The following IKBKB-DT variants were observed in gnomAD, a reference collection of about 807,000 sequenced individuals.
IKBKB-DT encodes IKBKB divergent transcript.
intron 1 of IKBKB-DT, among the ~76,000 whole-genome samples, chr8:42,268,554 A>T (rs527723581): frequency 1.2e-4 from 18 of 151,636 alleles, no homozygotes; most frequent in Middle Eastern, 3.4e-3. Flanking sequence ...TACAGGGGTG[A>T]GCCACCACAC....
intron 3 of IKBKB-DT, among the ~76,000 whole-genome samples, chr8:42,246,105 C>A (rs935227364): frequency 1.3e-5 from 2 of 152,212 alleles, no homozygotes; most frequent in Non-Finnish European, 2.9e-5. Flanking sequence ...GGCACAGTCA[C>A]AGCTCACTGC....
chr8:42,252,603 G>A (rs1001812872), intron 3 of IKBKB-DT, among the ~76,000 whole-genome samples: 10 of 152,228 alleles, frequency 6.6e-5, no homozygotes, highest in Admixed American at 6.5e-4. Context: ...CTGAGCTCAA[G>A]CAATCCTCCT....
chr8:42,243,197 G>A (rs1025854865), intron 3 of IKBKB-DT, among the ~76,000 whole-genome samples: 3 of 152,188 alleles, frequency 2.0e-5, no homozygotes, highest in South Asian at 2.1e-4. Flanking sequence ...AACTCTCCAG[G>A]TGGGGAGAGA....
intron 3 of IKBKB-DT, among the ~76,000 whole-genome samples, chr8:42,247,558 G>A (rs1807078560): frequency 6.6e-6 from 1 of 152,142 alleles, no homozygotes; most frequent in Non-Finnish European, 1.5e-5. Context: ...ACGTGAAAGG[G>A]CCATGAGATT....
At chr8:42,246,400 T>A (rs1003623734) in intron 3 of IKBKB-DT, among the ~76,000 whole-genome samples, 1 of 152,256 alleles carries the variant, frequency 6.6e-6, no homozygotes, top group Non-Finnish European at 1.5e-5. Flanking sequence ...AGTGACTTTG[T>A]CAGAGTTTCA....
intron 3 of IKBKB-DT, chr8:42,255,502 C>A (rs909833093): frequency 6.6e-6 from 1 of 152,056 alleles, no homozygotes; most frequent in African/African-American, 2.4e-5. Flanking sequence ...AGGAAGTGAC[C>A]TTTCTTACTC....
chr8:42,251,828 C>CAAAAAAAAAAAAAAAAAAAAAAAAAAAA (rs59420104), intron 3 of IKBKB-DT, among the ~76,000 whole-genome samples: 8 of 91,448 alleles, frequency 8.7e-5, no homozygotes, highest in African/African-American at 3.1e-4. Flanking sequence ...GACTCCATCT[C>CAAAAAAAAAAAAAAAAAAAAAAAAAAAA]AAAAAAAAAA....
chr8:42,242,370 G>A (rs1410228846), intron 3 of IKBKB-DT, among the ~76,000 whole-genome samples: 2 of 152,188 alleles, frequency 1.3e-5, no homozygotes, highest in African/African-American at 2.4e-5. Context: ...TTTAGATGCT[G>A]TTATTAGCAG....
chr8:42,244,315 G>A (rs1228059576), intron 3 of IKBKB-DT, among the ~76,000 whole-genome samples: 1 of 152,170 alleles, frequency 6.6e-6, no homozygotes, highest in Non-Finnish European at 1.5e-5. Context: ...GGGAGAAGAA[G>A]ATCTTGGAAC....
chr8:42,243,231 G>A (rs1807025279), intron 3 of IKBKB-DT, among the ~76,000 whole-genome samples: 1 of 152,188 alleles, frequency 6.6e-6, no homozygotes, highest in African/African-American at 2.4e-5. Context: ...ACTTTGGATT[G>A]TAAATTGACT....
chr8:42,268,837 G>T (rs757308514), intron 1 of IKBKB-DT, among the ~76,000 whole-genome samples: 7 of 152,100 alleles, frequency 4.6e-5, no homozygotes, highest in Non-Finnish European at 7.4e-5. Context: ...AAAGTGCTGG[G>T]ATTACAGGCA....
At chr8:42,239,876 T>C (rs963848886) in intron 3 of IKBKB-DT, among the ~76,000 whole-genome samples, 4 of 151,684 alleles carry the variant, frequency 2.6e-5, no homozygotes, top group African/African-American at 9.7e-5. Flanking sequence ...TGACCTTAGG[T>C]GATCCACCTG....
At chr8:42,250,545 G>A (rs1011235582) in intron 3 of IKBKB-DT, among the ~76,000 whole-genome samples, 5 of 152,108 alleles carry the variant, frequency 3.3e-5, no homozygotes, top group Admixed American at 6.6e-5. Context: ...GGCTACTATC[G>A]TTTAAACTAT....
At chr8:42,269,165 T>A (rs1036107903) in intron 1 of IKBKB-DT, among the ~76,000 whole-genome samples, 1 of 150,082 alleles carries the variant, frequency 6.7e-6, no homozygotes, top group Admixed American at 6.7e-5. Context: ...AAATAAAATT[T>A]AAAAATTAGC....
chr8:42,251,702 A>T (rs764651606), intron 3 of IKBKB-DT, among the ~76,000 whole-genome samples: 3 of 151,988 alleles, frequency 2.0e-5, no homozygotes, highest in Non-Finnish European at 4.4e-5. Context: ...ATGGTGGCAG[A>T]CACCTGTAAT....
At chr8:42,256,371 G>A (rs1807199908) in intron 3 of IKBKB-DT, among the ~76,000 whole-genome samples, 1 of 151,270 alleles carries the variant, frequency 6.6e-6, no homozygotes, top group South Asian at 2.1e-4. Flanking sequence ...AGACCAGCCT[G>A]GCCAACATAG....
chr8:42,241,224 C>CTTTTTTTTTTTTTTTTTTTTT lies in IKBKB-DT; in HGVS notation n.1530-7386_1530-7366dup, dbSNP rs773177896. On this transcript the variant is annotated intron_variant and non_coding_transcript_variant, in intron 3 of 3. Transcript: ENST00000518213. ...TTGATGCCTTTAGATATGTTGGAAT[C>CTTTTTTTTTTTTTTTTTTTTT]TTTTTTTTTTTTTTTTTTTTTTTTT... Among the ~76,000 whole-genome samples, 7 of 45,694 alleles carry CTTTTTTTTTTTTTTTTTTTTT rather than the reference C, an allele frequency of 1.5e-4. 2 individuals are homozygous for CTTTTTTTTTTTTTTTTTTTTT. Among genetic ancestry groups the CTTTTTTTTTTTTTTTTTTTTT allele is most frequent in the East Asian group, 3.0e-3 (2 of 674 alleles). The allele number at this position is 45,694 out of a possible 152,430, so 30.0% of individuals were successfully genotyped here. A position where few individuals can be genotyped will look rare whatever the true frequency, so the allele number is the denominator to read the frequency against.
rs141916252 is a variant in IKBKB-DT at position 42,265,381 on chromosome 8, T to C, written n.1385+234A>G. On this transcript the variant is annotated intron_variant and non_coding_transcript_variant, in intron 2 of 3. Coordinates refer to ENST00000518213, the Ensembl canonical transcript of IKBKB-DT. ...AATCTGTATGCCAAAGAGGCCTATT[T>C]TGGGTGGCATATTCTGGTCTCCTAC... 4.1e-3 allele frequency among the ~76,000 whole-genome samples: 631 copies of C among 152,270 alleles called. 6 individuals carry two copies. The highest frequency in any genetic ancestry group is 0.01 in the Middle Eastern group (3 of 294).
chr8:42,244,671 G>T (rs1807041936), intron 3 of IKBKB-DT, among the ~76,000 whole-genome samples: 1 of 152,092 alleles, frequency 6.6e-6, no homozygotes, highest in Admixed American at 6.6e-5. Context: ...CTCCCAATTA[G>T]AGTTTCATTT....
Sources: gnomAD v4.1 joint callset for allele counts (sites outside exome capture counted in the v4.1 genomes callset) on GRCh38, gnomAD v4.1.1 for gene constraint, MANE v1.5 for transcripts, NCBI Gene and HGNC (gene_info 2026-07-23, HGNC 2026-07-21) for gene names.